The following ZNF385D variants were observed in gnomAD, a reference collection of about 807,000 sequenced individuals.
ZNF385D encodes zinc finger protein 659.
Under a neutral mutation model 35.8 loss-of-function variants are expected in ZNF385D, and 15 were observed. That is an observed-to-expected ratio of 0.42 (90% CI 0.28 to 0.64). The LOEUF (loss-of-function observed/expected upper bound fraction) is 0.64. ZNF385D is among the 30% of genes least tolerant of loss of function. The pLI is 0.23. For synonymous variants in ZNF385D, 212 were observed against 186.8 expected, an observed-to-expected ratio of 1.13 and a Z score of -1.10; for missense variants, 474 against 494.6, an observed-to-expected ratio of 0.96 and a Z score of 0.39.
intron 2 of ZNF385D, among the ~76,000 whole-genome samples, chr3:22,214,418 A>G (rs1160321551): frequency 6.6e-6 from 1 of 152,046 alleles, no homozygotes. Flanking sequence ...TGAAAAAAGA[A>G]CAGGATAACA....
At chr3:21,949,707 G>T (rs1403590841) in intron 3 of ZNF385D, among the ~76,000 whole-genome samples, 1 of 151,456 alleles carries the variant, frequency 6.6e-6, no homozygotes, top group African/African-American at 2.4e-5. Context: ...CCCTCCCCTA[G>T]TCCCTCACCA....
chr3:21,849,677 T>C (rs2089432638), intron 3 of ZNF385D: 1 of 142,218 alleles, frequency 7.0e-6, no homozygotes, highest in South Asian at 2.5e-4. Flanking sequence ...ATCACTCTCA[T>C]ATCTTCTAAT....
At chr3:21,590,491 A>T (rs1489784911) in intron 2 of ZNF385D, among the ~76,000 whole-genome samples, 1 of 152,194 alleles carries the variant, frequency 6.6e-6, no homozygotes, top group Non-Finnish European at 1.5e-5. Context: ...TATTGAAGAA[A>T]GCAAAATGAG....
intron 1 of ZNF385D, among the ~76,000 whole-genome samples, chr3:21,736,069 T>C (rs1168245170): frequency 1.3e-5 from 2 of 152,226 alleles, no homozygotes; most frequent in Admixed American, 1.3e-4. Flanking sequence ...TTGCATGACA[T>C]TTTCAATCTA....
chr3:21,875,368 TTTCA>T (rs559313173), intron 3 of ZNF385D, among the ~76,000 whole-genome samples: 22 of 152,216 alleles, frequency 1.4e-4, no homozygotes, highest in African/African-American at 5.1e-4. Flanking sequence ...TCAGTTCTTC[TTTCA>T]TTGTTTTTCT....
chr3:22,081,477 T>C (rs1380824812), intron 3 of ZNF385D, among the ~76,000 whole-genome samples: 1 of 152,222 alleles, frequency 6.6e-6, no homozygotes, highest in East Asian at 1.9e-4. Flanking sequence ...AAAATTAAGA[T>C]GTTGTTATGA....
chr3:21,862,055 T>C (rs1037965297), intron 3 of ZNF385D, among the ~76,000 whole-genome samples: 7 of 152,142 alleles, frequency 4.6e-5, no homozygotes, highest in African/African-American at 9.7e-5. Context: ...TTTATAAGTA[T>C]ATATTTTAAA....
chr3:21,628,114 T>C lies in ZNF385D; in HGVS notation c.165+36772A>G, dbSNP rs537120952. On this transcript the variant is annotated intron_variant, in intron 2 of 7. Transcript: ENST00000281523. ...ACTCTACGGACAAAGGCCTGTTTAA[T>C]GGCTGCTACTGATTGTTAAAAGTTT... is the stretch of plus-strand genomic sequence containing the variant. Among the ~76,000 whole-genome samples, 10 of 152,256 alleles carry C rather than the reference T, an allele frequency of 6.6e-5. No individual in the cohort carries two copies. In the South Asian group the frequency reaches 1.4e-3, roughly 22 times the overall value.
chr3:21,771,338 A>G (rs2071070146), intron 3 of ZNF385D, among the ~76,000 whole-genome samples: 1 of 151,942 alleles, frequency 6.6e-6, no homozygotes, highest in South Asian at 2.1e-4. Context: ...AAACAATAAG[A>G]AATAAATATA....
chr3:21,591,523 G>A (rs1255829232), intron 2 of ZNF385D, among the ~76,000 whole-genome samples: 3 of 151,958 alleles, frequency 2.0e-5, no homozygotes, highest in Non-Finnish European at 4.4e-5. Context: ...AATTAATGTT[G>A]TTTTAAAAGT....
chr3:22,040,081 AC>A (rs1698572706), intron 3 of ZNF385D, among the ~76,000 whole-genome samples: 1 of 152,106 alleles, frequency 6.6e-6, no homozygotes, highest in African/African-American at 2.4e-5. Flanking sequence ...TTCAGTGTGT[AC>A]CTAACTCTCC....
rs558959256 is a variant in ZNF385D, at chr3:22,172,857, C to G, written c.107-3822G>C. Among the ~76,000 whole-genome samples the G allele has an allele frequency of 4.6e-5, 7 of 152,238 alleles. No individual in the cohort carries two copies. In the East Asian group the frequency reaches 1.4e-3, roughly 29 times the overall value. On this transcript the variant is annotated intron_variant, in intron 2 of 5. Transcript: ENST00000494108. ...TTAAATAGACATCCTCCATTCAAAG[C>G]GGGATAGGGCACAACACTCTTCTTC...
chr3:21,984,989 A>T (rs1258269373), intron 3 of ZNF385D, among the ~76,000 whole-genome samples: 1 of 151,542 alleles, frequency 6.6e-6, no homozygotes. Context: ...GTGTATAAGA[A>T]TGCCTGTGAT....
In ZNF385D at chr3:22,136,228, T is replaced by G. The variant is rs116250105; in HGVS notation, c.325+32589A>C. Among the ~76,000 whole-genome samples the G allele has an allele frequency of 8.8e-3, 1,330 of 151,928 alleles. 20 individuals carry two copies. Among genetic ancestry groups the G allele is most frequent in the African/African-American group, 0.03 (1,251 of 41,488 alleles). ...GTGAAACCTCATCTCTACTAAAAATTAAAAACAAAATTAGCTGGGCATCAT... is the reference window on the plus strand; with the variant it reads ...GTGAAACCTCATCTCTACTAAAAATGAAAAACAAAATTAGCTGGGCATCAT... On this transcript the variant is annotated intron_variant, in intron 3 of 5. Transcript: ENST00000494108.
chr3:22,232,722 C>A (rs1698967123), intron 2 of ZNF385D, among the ~76,000 whole-genome samples: 1 of 152,114 alleles, frequency 6.6e-6, no homozygotes. Flanking sequence ...ATGAACTCAT[C>A]CTTTTTAATG....
intron 2 of ZNF385D, among the ~76,000 whole-genome samples, chr3:21,617,564 T>C (rs2064884097): frequency 1.3e-5 from 2 of 152,302 alleles, no homozygotes; most frequent in Middle Eastern, 6.8e-3. Flanking sequence ...GATACTTTTA[T>C]AATTTTTCCT....
chr3:21,686,696 C>T (rs980017624), intron 1 of ZNF385D, among the ~76,000 whole-genome samples: 6 of 152,184 alleles, frequency 3.9e-5, no homozygotes, highest in Admixed American at 6.5e-5. Context: ...AGTGTGCAGT[C>T]GCCACATGTG....
intron 1 of ZNF385D, among the ~76,000 whole-genome samples, chr3:21,692,365 A>G (rs1284411364): frequency 6.6e-6 from 1 of 152,132 alleles, no homozygotes; most frequent in Non-Finnish European, 1.5e-5. Flanking sequence ...GGATTTTCTA[A>G]TACATCCATT....
intron 4 of ZNF385D, among the ~76,000 whole-genome samples, chr3:21,445,980 C>T (rs979909405): frequency 3.3e-5 from 5 of 152,214 alleles, no homozygotes; most frequent in African/African-American, 4.8e-5. Flanking sequence ...GGAAATTTCA[C>T]GAATCAAAAA....
Sources: allele counts gnomAD v4.1 joint callset (sites outside exome capture counted in the v4.1 genomes callset), GRCh38; gene constraint gnomAD v4.1.1; transcripts MANE v1.5; gene names NCBI Gene and HGNC (gene_info 2026-07-23, HGNC 2026-07-21).